The following CBFA2T2 variants were observed in gnomAD, a reference collection of about 807,000 sequenced individuals.
CBFA2T2 encodes CBFA2/RUNX1 partner transcriptional co-repressor 2, also known as protein CBFA2T2.
A neutral mutation model predicts 62.2 loss-of-function variants in CBFA2T2; 11 were observed. That is an observed-to-expected ratio of 0.18 (90% CI 0.11 to 0.29). The LOEUF is 0.29. Among genes scored for constraint, CBFA2T2 ranks in the 10% least tolerant of loss-of-function variants. The pLI, the probability that CBFA2T2 is intolerant of heterozygous loss-of-function variation, is 1.00. For missense variants in CBFA2T2, 592 were observed against 774.1 expected, an observed-to-expected ratio of 0.76 and a Z score of 2.79; for synonymous variants, 295 against 287.5, an observed-to-expected ratio of 1.03 and a Z score of -0.27.
At chr20:33,562,529 T>C (rs1335784655) in intron 1 of CBFA2T2, 1 of 985,740 alleles carries the variant, frequency 1.0e-6, no homozygotes, top group Non-Finnish European at 1.2e-6. Flanking sequence ...AGCTGACACA[T>C]GTCCAGCTAA....
chr20:33,637,966 CTTTTTTT>C (rs67124335), intron 9 of CBFA2T2, among the ~76,000 whole-genome samples: 6 of 66,788 alleles, frequency 9.0e-5, no homozygotes, highest in Non-Finnish European at 1.3e-4. Context: ...TGCACCCGGC[CTTTTTTT>C]TTTTTTTTTT....
Position 33,644,826 on chromosome 20 carries a change from C to T in CBFA2T2, c.*180C>T, listed in dbSNP as rs1480488192. 10 of 659,612 alleles carry T rather than the reference C, an allele frequency of 1.5e-5. No individual in the cohort carries two copies. The highest frequency in any genetic ancestry group is 2.3e-5 in the Non-Finnish European group (9 of 399,310). The allele number at this position is 659,612 out of a possible 1,614,324, so 40.9% of individuals were successfully genotyped here. Reference sequence around the variant, plus strand: ...AGCCTCTCTGTGCACTTGCTGTCTGCGGAGCCAGTGTGCCATTCTCTGCAC... The same window carrying T: ...AGCCTCTCTGTGCACTTGCTGTCTGTGGAGCCAGTGTGCCATTCTCTGCAC... On this transcript the variant is annotated 3_prime_UTR_variant, in exon 11 of 11. Transcript: ENST00000342704.
intron 1 of CBFA2T2, among the ~76,000 whole-genome samples, chr20:33,536,779 G>C (rs1199687914): frequency 6.6e-6 from 1 of 151,802 alleles, no homozygotes; most frequent in Non-Finnish European, 1.5e-5. Context: ...GGGCGGCCGG[G>C]CAGAGACGCT....
At chr20:33,565,409 A>C (rs2013267997) in intron 1 of CBFA2T2, among the ~76,000 whole-genome samples, 1 of 152,168 alleles carries the variant, frequency 6.6e-6, no homozygotes, top group Non-Finnish European at 1.5e-5. Context: ...CCTAGGAGAC[A>C]TGAGTGGGGA....
Position 33,503,627 on chromosome 20 carries a change from T to C in CBFA2T2, c.34+13326T>C, listed in dbSNP as rs150166362. On this transcript the variant is annotated intron_variant, in intron 1 of 10. Transcript: ENST00000342704. ...AGTGAAATATATTCATTTTGTATGGTTTATTTATTTATCTTTTTTTCTTGG... is the reference window on the plus strand; with the variant it reads ...AGTGAAATATATTCATTTTGTATGGCTTATTTATTTATCTTTTTTTCTTGG... 6.0e-3 allele frequency among the ~76,000 whole-genome samples: 920 copies of C among 152,150 alleles called. 15 individuals carry two copies. The highest frequency in any genetic ancestry group is 0.021 in the African/African-American group (883 of 41,512).
chr20:33,566,095 A>T (rs1233778254), intron 1 of CBFA2T2, among the ~76,000 whole-genome samples: 3 of 152,208 alleles, frequency 2.0e-5, no homozygotes, highest in Admixed American at 2.0e-4. Flanking sequence ...TATTTTATAG[A>T]TAAAATAGGA....
At chr20:33,624,683 TA>T in intron 5 of CBFA2T2, 80 bp from the exon 6 acceptor site, 1 of 1,493,936 alleles carries the variant, frequency 6.7e-7, no homozygotes, top group South Asian at 1.2e-5. Context: ...GCAAAATACC[TA>T]ATACATAGTA....
chr20:33,517,063 T>C (rs2011612265), intron 1 of CBFA2T2, among the ~76,000 whole-genome samples: 1 of 152,234 alleles, frequency 6.6e-6, no homozygotes, highest in East Asian at 1.9e-4. Context: ...GACTGCTTCA[T>C]GATGTTGCCA....
intron 1 of CBFA2T2, among the ~76,000 whole-genome samples, chr20:33,565,457 C>CT (rs1209439017): frequency 6.6e-6 from 1 of 152,008 alleles, no homozygotes; most frequent in Non-Finnish European, 1.5e-5. Context: ...ATAGGGCCTA[C>CT]TATAGAGGGC....
chr20:33,605,932 C>T (rs2015325187), intron 1 of CBFA2T2, among the ~76,000 whole-genome samples: 9 of 151,984 alleles, frequency 5.9e-5, no homozygotes, highest in Admixed American at 5.9e-4. Context: ...GATTCTCTTG[C>T]CTCAGCCTCC....
chr20:33,632,845 G>T (rs116466247), intron 8 of CBFA2T2, among the ~76,000 whole-genome samples: 2 of 152,096 alleles, frequency 1.3e-5, no homozygotes, highest in African/African-American at 4.8e-5. Context: ...TTGCCTCACT[G>T]CTCCCCAGGT....
chr20:33,494,200 G>A (rs1237043860), intron 1 of CBFA2T2, among the ~76,000 whole-genome samples: 2 of 125,058 alleles, frequency 1.6e-5, no homozygotes, highest in African/African-American at 6.1e-5. Flanking sequence ...GTTTTAAATG[G>A]CGATTATAGT....
At chr20:33,532,380 T>G (rs977808690) in intron 1 of CBFA2T2, among the ~76,000 whole-genome samples, 4 of 152,174 alleles carry the variant, frequency 2.6e-5, no homozygotes, top group Non-Finnish European at 4.4e-5. Flanking sequence ...AGCAGAAACG[T>G]TGGGCAAGGG....
intron 1 of CBFA2T2, among the ~76,000 whole-genome samples, chr20:33,544,931 TGAATA>T (rs373602068): frequency 3.3e-3 from 447 of 136,922 alleles, no homozygotes; most frequent in Non-Finnish European, 5.6e-3. Context: ...CATGCATGAG[TGAATA>T]GAATAGAACA....
Position 33,494,239 on chromosome 20 carries a change from ATGTG to A in CBFA2T2, c.34+3940_34+3943del, listed in dbSNP as rs35933932. On this transcript the variant is annotated intron_variant, in intron 1 of 10. Transcript: ENST00000342704. ...ACTGTACTATGTATTAGGCATATATATGTGTATATATATATATATATATATATAT... is the reference window on the plus strand; with the variant it reads ...ACTGTACTATGTATTAGGCATATATATATATATATATATATATATATATAT... Among the ~76,000 whole-genome samples the A allele has an allele frequency of 1.7e-3, 48 of 28,444 alleles. 1 individual carries two copies. The highest frequency in any genetic ancestry group is 3.6e-3 in the African/African-American group (40 of 11,052). 18.7% of individuals were successfully genotyped at this position (28,444 alleles called of 152,430 possible).
intron 1 of CBFA2T2, among the ~76,000 whole-genome samples, chr20:33,567,902 G>A (rs922140080): frequency 1.3e-5 from 2 of 152,000 alleles, no homozygotes; most frequent in Admixed American, 1.3e-4. Flanking sequence ...AAACTTTATC[G>A]TAGGTATGTA....
At chr20:33,571,326 G>A (rs959401959) in intron 1 of CBFA2T2, among the ~76,000 whole-genome samples, 4 of 152,076 alleles carry the variant, frequency 2.6e-5, no homozygotes, top group South Asian at 4.1e-4. Flanking sequence ...CATTTTGTAC[G>A]CACAAATCAA....
chr20:33,499,260 T>C (rs1355692334), intron 1 of CBFA2T2, among the ~76,000 whole-genome samples: 1 of 152,202 alleles, frequency 6.6e-6, no homozygotes, highest in East Asian at 1.9e-4. Context: ...GTAAGATTTC[T>C]CACCTGCCAA....
chr20:33,609,114 C>G (rs2015435419), intron 2 of CBFA2T2, among the ~76,000 whole-genome samples: 1 of 152,164 alleles, frequency 6.6e-6, no homozygotes, highest in Non-Finnish European at 1.5e-5. Context: ...ACTGTATACA[C>G]AACTTATAAA....
Sources: gnomAD v4.1 joint callset for allele counts (sites outside exome capture counted in the v4.1 genomes callset) on GRCh38, gnomAD v4.1.1 for gene constraint, MANE v1.5 for transcripts, NCBI Gene and HGNC (gene_info 2026-07-23, HGNC 2026-07-21) for gene names.